TRRAP: variants seen among roughly 807,000 people sequenced by gnomAD.
TRRAP encodes the protein transformation/transcription domain-associated protein.
TRRAP carries 41 observed loss-of-function variants against 438.8 expected under a neutral mutation model. The observed-to-expected ratio is 0.09, with a 90% CI of 0.07 to 0.12. The LOEUF (loss-of-function observed/expected upper bound fraction) is 0.12. Ranked by LOEUF, TRRAP falls within the 10% of genes least tolerant of loss-of-function variation. The pLI is 1.00. For missense variants in TRRAP, 3,122 were observed against 5,055.1 expected (o/e 0.62, Z 11.60); for synonymous variants, 1,994 against 1,962.9 (o/e 1.02, Z -0.42).
At chr7:98,916,621 C>T (rs1789530497) in intron 19 of TRRAP, among the ~76,000 whole-genome samples, 1 of 152,208 alleles carries the variant, frequency 6.6e-6, no homozygotes, top group Non-Finnish European at 1.5e-5. Flanking sequence ...TGGACCATAA[C>T]CTGGCTCCAT....
At position 98,906,142 on chromosome 7, in the gene TRRAP, G is replaced by GA. The variant is rs782663219; in HGVS notation, c.1037-35_1037-34insA. 5 of 1,597,208 alleles carry GA rather than the reference G, an allele frequency of 3.1e-6. No homozygotes were observed. The African/African-American group carries it at 6.7e-5, about 21-fold the overall frequency. ...TAATTTAATGTGTGTAATTGGTTTT[G>GA]TTAGTGATCTGTGCAATGGATGTTT... On this transcript the variant is annotated intron_variant, in intron 12 of 72. Transcript: ENST00000456197.
At chr7:98,892,596 A>G in intron 5 of TRRAP, 68 bp downstream of exon 5, 1 of 1,315,874 alleles carries the variant, frequency 7.6e-7, no homozygotes. Flanking sequence ...TTCTTATGGT[A>G]AATTTCAGCA....
rs1554417763 is a variant in TRRAP, at chr7:98,949,747, G to A, written c.5041G>A (p.Glu1681Lys). The A allele has an allele frequency of 6.2e-7, 1 of 1,613,944 alleles. No individual in the cohort carries two copies. Among genetic ancestry groups the A allele is most frequent in the East Asian group, 2.2e-5 (1 of 44,886 alleles). ...CCAGTTGCGACGTGTGTGGGTGAGT[G>A]AGAACTTCCAAGAGAGGCACCGCAA... ...VSQLRRVWVS[E>K]NFQERHRKEN... The change falls in exon 37 of 73, where the codon GAG (glutamate) becomes AAG (lysine). Residue 1681 changes from glutamate (E) to lysine (K), a missense_variant. Glu to Lys is a moderately conservative substitution (Grantham distance 56). Transcript: ENST00000456197.
At chr7:99,009,349 C>G (rs968242705) in intron 70 of TRRAP, among the ~76,000 whole-genome samples, 1 of 152,140 alleles carries the variant, frequency 6.6e-6, no homozygotes, top group Non-Finnish European at 1.5e-5. Context: ...GGGACTTGTT[C>G]CAGTTCTCCT....
chr7:98,903,276 C>T (rs1054832529), intron 11 of TRRAP, 103 bp from the exon 12 acceptor site: 32 of 1,465,834 alleles, frequency 2.2e-5, no homozygotes, highest in Non-Finnish European at 2.7e-5. Flanking sequence ...CCCACCTCGG[C>T]CTCCCAAAGG....
Position 98,976,596 on chromosome 7 carries a change from G to T in TRRAP, c.8073G>T (p.Pro2691=), listed in dbSNP as rs947111888. Residue 2691 remains proline (P), a synonymous_variant, in exon 55 of 73, where the codon CCG becomes CCT. Transcript: ENST00000456197. The surrounding 1 kb of genome is among the most constrained non-coding windows in gnomAD (Gnocchi z 4.6). ...CFVEAMSQCV[P]PIPIRPCVLK... is the part of the protein sequence containing the mutation. ...TGGAAGCCATGTCCCAGTGCGTGCC[G>T]CCAATCCCCATCCGACCCTGCGTCC... 1.2e-6 allele frequency: 2 copies of T among 1,614,146 alleles called. No homozygotes were observed. Among genetic ancestry groups the T allele is most frequent in the Non-Finnish European group, 1.7e-6 (2 of 1,180,030 alleles).
rs1554405631 is a variant in TRRAP, at chr7:98,895,754, CT to C, written c.451-3del. Reference sequence around the variant, plus strand: ...TATCTTCCTATAACGAAAGTGTCTGCTTTTTTTAGATTCATCATTTTCTGGA... The same window carrying C: ...TATCTTCCTATAACGAAAGTGTCTGCTTTTTTAGATTCATCATTTTCTGGA... On this transcript the variant is annotated splice_polypyrimidine_tract_variant and intron_variant, in intron 6 of 72. Coordinates refer to ENST00000456197, the MANE Select transcript of TRRAP (RefSeq NM_001375524.1). 5.6e-6 allele frequency: 9 copies of C among 1,596,636 alleles called. No homozygotes were observed. The highest frequency in any genetic ancestry group is 1.3e-5 in the African/African-American group (1 of 74,420).
At position 98,967,482 on chromosome 7, in the gene TRRAP, C is replaced by T; in HGVS notation, c.7299-3C>T. 6 of 1,613,628 alleles carry T rather than the reference C, an allele frequency of 3.7e-6. No individual in the cohort carries two copies. The highest frequency in any genetic ancestry group is 5.1e-6 in the Non-Finnish European group (6 of 1,180,006). On this transcript the variant is annotated splice_polypyrimidine_tract_variant and splice_region_variant and intron_variant, in intron 50 of 72. Transcript: ENST00000456197. ...CTTGCCTGTCTCTGACTTGGTGTTA[C>T]AGGGATGAGACCCTCTCTGGCAGCG...
chr7:98,924,390 CT>C (rs1789936672), intron 21 of TRRAP, among the ~76,000 whole-genome samples: 1 of 152,196 alleles, frequency 6.6e-6, no homozygotes, highest in Non-Finnish European at 1.5e-5. Context: ...CCACTGTGCT[CT>C]CTTCAAAAGA....
At chr7:98,924,407 T>C (rs1040663900) in intron 21 of TRRAP, among the ~76,000 whole-genome samples, 19 of 152,226 alleles carry the variant, frequency 1.2e-4, no homozygotes, top group African/African-American at 4.6e-4. Context: ...AAAGAAAATA[T>C]GCATGAGACT....
intron 12 of TRRAP, among the ~76,000 whole-genome samples, chr7:98,905,963 T>C (rs1796707929): frequency 6.6e-6 from 1 of 152,194 alleles, no homozygotes; most frequent in African/African-American, 2.4e-5. Context: ...TGACCCTGAC[T>C]GCATCTTTGA....
At position 98,977,004 on chromosome 7, in the gene TRRAP, G is replaced by T; in HGVS notation, c.8313G>T (p.Leu2771=). The T allele has an allele frequency of 1.9e-6, 3 of 1,614,230 alleles. No homozygotes were observed. The highest frequency in any genetic ancestry group is 1.7e-6 in the Non-Finnish European group (2 of 1,180,042). ...AAGAGGAAGATATGTGGGCTGGTCT[G>T]TGGCAGAAGCGGTGCAAGTACTCGG... The part of the protein sequence containing the change: ...LLQEEDMWAG[L]WQKRCKYSET... Residue 2771 remains leucine (L), a synonymous_variant, in exon 56 of 73, where the codon CTG becomes CTT. Transcript: ENST00000456197.
chr7:98,907,207 C>T (rs1554407649), intron 13 of TRRAP, among the ~76,000 whole-genome samples: 1 of 151,912 alleles, frequency 6.6e-6, no homozygotes, highest in Non-Finnish European at 1.5e-5. Context: ...CCTGTAATCC[C>T]AACTAGTCGG....
At chr7:98,902,908 TAAAAAA>T (rs34223624) in intron 11 of TRRAP, among the ~76,000 whole-genome samples, 12 of 132,172 alleles carry the variant, frequency 9.1e-5, no homozygotes, top group Non-Finnish European at 1.7e-4. Context: ...CCCCCATTTC[TAAAAAA>T]AAAAAAAAAA....
chr7:98,900,862 A>G (rs1232480383), intron 11 of TRRAP, 142 bp downstream of exon 11: 5 of 664,956 alleles, frequency 7.5e-6, no homozygotes, highest in African/African-American at 7.3e-5. Flanking sequence ...ATTTCCATCA[A>G]CCTCCAAAAT....
At chr7:98,921,060 C>T (rs1273366402) in intron 20 of TRRAP, among the ~76,000 whole-genome samples, 1 of 152,220 alleles carries the variant, frequency 6.6e-6, no homozygotes, top group Non-Finnish European at 1.5e-5. Flanking sequence ...TGGTCTCGAA[C>T]TACCGACTTC....
chr7:98,909,405 C>A (rs1796954181), intron 14 of TRRAP, among the ~76,000 whole-genome samples: 1 of 152,168 alleles, frequency 6.6e-6, no homozygotes, highest in African/African-American at 2.4e-5. Context: ...TAGGTTCAGA[C>A]CCAGGCTCCC....
chr7:98,937,172 C>T lies in TRRAP; in HGVS notation c.4128C>T (p.Cys1376=). Residue 1376 remains cysteine, a synonymous_variant, in exon 29 of 73, where the codon TGC becomes TGT. Coordinates refer to ENST00000456197, the MANE Select transcript of TRRAP (RefSeq NM_001375524.1). ...TCCCTGAAGATGCACTTGCTGCCTGCAATTACCTTCCTCAGTCCAGGGAGA... is the reference window on the plus strand; with the variant it reads ...TCCCTGAAGATGCACTTGCTGCCTGTAATTACCTTCCTCAGTCCAGGGAGA... The part of the protein sequence containing the change: ...RIAALNALAA[C]NYLPQSREKI... 3 of 1,610,606 alleles carry T rather than the reference C, an allele frequency of 1.9e-6. No individual in the cohort carries two copies. The highest frequency in any genetic ancestry group is 1.7e-5 in the Admixed American group (1 of 59,318).
intron 67 of TRRAP, among the ~76,000 whole-genome samples, chr7:98,997,483 C>CAAAAAAAA (rs61132070): frequency 0.021 from 894 of 42,658 alleles, 87 homozygotes; most frequent in East Asian, 0.063. Flanking sequence ...ACTGCTGTTG[C>CAAAAAAAA]AAAAAAAAAA....
Sources: allele counts gnomAD v4.1 joint callset (sites outside exome capture counted in the v4.1 genomes callset), GRCh38; gene constraint gnomAD v4.1.1; non-coding constraint Gnocchi (gnomAD v3.1); transcripts MANE v1.5; gene names NCBI Gene and HGNC (gene_info 2026-07-23, HGNC 2026-07-21).